Variants in THSD4 observed in about 807,000 individuals in gnomAD.
THSD4 encodes thrombospondin type-1 domain-containing protein 4.
THSD4 carries 69 observed loss-of-function variants against 119.0 expected under a neutral mutation model. The ratio of observed to expected loss-of-function variants is 0.58; its 90% confidence interval spans 0.48 to 0.71. The LOEUF (loss-of-function observed/expected upper bound fraction) is 0.71. Ranked by LOEUF, THSD4 falls within the 30% of genes least tolerant of loss-of-function variation. The probability of loss-of-function intolerance (pLI) is 0.00; values close to 1 mark genes in which losing one functional copy is unlikely to be tolerated. For missense variants in THSD4, 1,393 were observed against 1,391.1 expected (o/e 1.00, Z -0.02); for synonymous variants, 524 against 540.4 (o/e 0.97, Z 0.42).
intron 6 of THSD4, among the ~76,000 whole-genome samples, chr15:71,350,523 T>G (rs1313174676): frequency 2.0e-5 from 3 of 152,190 alleles, no homozygotes; most frequent in African/African-American, 7.2e-5. Context: ...ACCAAGGTGT[T>G]GCAACTCCTA....
intron 3 of THSD4, among the ~76,000 whole-genome samples, chr15:71,195,355 C>T (rs1318622934): frequency 6.6e-6 from 1 of 152,128 alleles, no homozygotes; most frequent in Non-Finnish European, 1.5e-5. Context: ...TGCTGGGATG[C>T]AGAGTGGTTT....
chr15:71,393,237 G>C (rs1409085422), intron 6 of THSD4, among the ~76,000 whole-genome samples: 1 of 152,032 alleles, frequency 6.6e-6, no homozygotes, highest in African/African-American at 2.4e-5. Context: ...TTTTCTCTCG[G>C]TGGTTGTGCA....
chr15:71,745,986 A>G (rs2053329625), intron 12 of THSD4, among the ~76,000 whole-genome samples: 1 of 152,194 alleles, frequency 6.6e-6, no homozygotes, highest in Non-Finnish European at 1.5e-5. Flanking sequence ...CTTGAAGAAG[A>G]ACAAGGGGAA....
At position 71,747,062 on chromosome 15, in the gene THSD4, C is replaced by G; in HGVS notation, c.2241+20C>G. 1 of 1,578,174 alleles carries G rather than the reference C, an allele frequency of 6.3e-7. No homozygotes were observed. On this transcript the variant is annotated intron_variant, in intron 13 of 17. Coordinates refer to ENST00000261862, the MANE Select transcript of THSD4 (RefSeq NM_024817.3). ...ACCTCGGTACGCAGGCAGGGCAGCCCGCTCTGCAGCTCCCTCTCCAGCTCC... is the reference window on the plus strand; with the variant it reads ...ACCTCGGTACGCAGGCAGGGCAGCCGGCTCTGCAGCTCCCTCTCCAGCTCC...
chr15:71,468,605 C>G (rs1238770848), intron 7 of THSD4, among the ~76,000 whole-genome samples: 1 of 152,146 alleles, frequency 6.6e-6, no homozygotes, highest in African/African-American at 2.4e-5. Flanking sequence ...TATAATAAAA[C>G]ATTACTTTTA....
At chr15:71,679,030 T>TGTCTG (rs1276494310) in intron 8 of THSD4, among the ~76,000 whole-genome samples, 2 of 152,218 alleles carry the variant, frequency 1.3e-5, no homozygotes, top group Non-Finnish European at 2.9e-5. Flanking sequence ...CATTGCTCTT[T>TGTCTG]GTCTGAATTG....
intron 7 of THSD4, among the ~76,000 whole-genome samples, chr15:71,515,598 T>G (rs2048348910): frequency 6.6e-6 from 1 of 152,190 alleles, no homozygotes; most frequent in Admixed American, 6.5e-5. Flanking sequence ...CAATAAATCT[T>G]CGGCTATTTA....
At chr15:71,388,780 A>G (rs1291777998) in intron 6 of THSD4, among the ~76,000 whole-genome samples, 1 of 151,948 alleles carries the variant, frequency 6.6e-6, no homozygotes, top group Non-Finnish European at 1.5e-5. Context: ...GATAAAATAT[A>G]TATATATAAA....
intron 14 of THSD4, among the ~76,000 whole-genome samples, chr15:71,756,264 G>T (rs115411883): frequency 4.7e-4 from 72 of 152,282 alleles, no homozygotes; most frequent in African/African-American, 1.7e-3. Flanking sequence ...GATGGAAAGG[G>T]GCAAGACAGG....
rs951961260 is a variant in THSD4 at position 71,387,711 on chromosome 15, T to A, written c.1016-23976T>A. Among the ~76,000 whole-genome samples, 5 of 152,236 alleles carry A rather than the reference T, an allele frequency of 3.3e-5. 1 individual carries two copies. In the South Asian group the frequency reaches 1.0e-3, roughly 31 times the overall value. On this transcript the variant is annotated intron_variant, in intron 6 of 17. Coordinates refer to ENST00000261862, the MANE Select transcript of THSD4 (RefSeq NM_024817.3). ...AAAAGAGAGAAATCTTTCTTGTTGA[T>A]TGTAAGTATATACAACAAAGGCTTA...
chr15:71,461,090 G>A (rs186685410), intron 7 of THSD4, among the ~76,000 whole-genome samples: 4 of 152,196 alleles, frequency 2.6e-5, no homozygotes, highest in Admixed American at 2.6e-4. Context: ...TTAACTGGGT[G>A]GTTCTGGCTT....
At chr15:71,709,781 G>T (rs898547664) in intron 8 of THSD4, among the ~76,000 whole-genome samples, 11 of 152,050 alleles carry the variant, frequency 7.2e-5, no homozygotes, top group Non-Finnish European at 1.3e-4. Context: ...GAATCACCAG[G>T]AAACTTTCAA....
intron 7 of THSD4, among the ~76,000 whole-genome samples, chr15:71,555,197 GTGTT>G (rs1419078553): frequency 6.6e-6 from 1 of 152,196 alleles, no homozygotes; most frequent in African/African-American, 2.4e-5. Context: ...CATGGAGAAT[GTGTT>G]TGTTTAACTC....
At chr15:71,471,716 T>C (rs903133228) in intron 7 of THSD4, among the ~76,000 whole-genome samples, 4 of 151,424 alleles carry the variant, frequency 2.6e-5, no homozygotes, top group Admixed American at 2.0e-4. Context: ...TCCTGTTTCC[T>C]TATCTATCAA....
intron 11 of THSD4, among the ~76,000 whole-genome samples, chr15:71,743,794 T>A (rs1486563940): frequency 6.6e-6 from 1 of 152,240 alleles, no homozygotes; most frequent in Non-Finnish European, 1.5e-5. Context: ...CAAGATGAGC[T>A]TGAAAAACCA....
intron 3 of THSD4, among the ~76,000 whole-genome samples, chr15:71,181,031 T>A (rs1399561425): frequency 6.6e-6 from 1 of 152,162 alleles, no homozygotes; most frequent in African/African-American, 2.4e-5. Flanking sequence ...CAGTGTGAGA[T>A]TGTCCCTTGG....
At chr15:71,649,130 C>T (rs1278274815) in intron 7 of THSD4, among the ~76,000 whole-genome samples, 1 of 152,106 alleles carries the variant, frequency 6.6e-6, no homozygotes, top group Non-Finnish European at 1.5e-5. Flanking sequence ...TAGGAGTCCC[C>T]CCATCACTCA....
intron 6 of THSD4, among the ~76,000 whole-genome samples, chr15:71,292,374 A>G: frequency 6.6e-6 from 1 of 151,490 alleles, no homozygotes. Context: ...TTCTTCCAAT[A>G]TTTCTTTGAT....
In THSD4 at chr15:71,746,828, C is replaced by G; in HGVS notation, c.2037-10C>G. The G allele has an allele frequency of 6.2e-7, 1 of 1,613,284 alleles. No individual in the cohort carries two copies. Among genetic ancestry groups the G allele is most frequent in the Non-Finnish European group, 8.5e-7 (1 of 1,179,862 alleles). ...TGTCTCTCACTCTCGCTCTCTCATT[C>G]CTGAACCAGCTGGGACATCGGGGAG... On this transcript the variant is annotated splice_polypyrimidine_tract_variant and intron_variant, in intron 12 of 17. Transcript: ENST00000261862.
Sources: allele counts gnomAD v4.1 joint callset (sites outside exome capture counted in the v4.1 genomes callset), GRCh38; gene constraint gnomAD v4.1.1; transcripts MANE v1.5; gene names NCBI Gene and HGNC (gene_info 2026-07-23, HGNC 2026-07-21).